The following NEK11 variants were observed in gnomAD, a reference collection of about 807,000 sequenced individuals.
The protein encoded by NEK11 is NIMA related kinase 11, also known as serine/threonine-protein kinase Nek11.
NEK11 carries 72 observed loss-of-function variants against 80.7 expected under a neutral mutation model. That is an observed-to-expected ratio of 0.89 (90% confidence interval 0.74 to 1.08). The LOEUF is 1.08. NEK11 is among the 50% of genes least tolerant of loss of function. NEK11 has a pLI of 0.00. For synonymous variants in NEK11, 251 were observed against 260.7 expected, an observed-to-expected ratio of 0.96 and a Z score of 0.36; for missense variants, 764 against 763.6, an observed-to-expected ratio of 1.00 and a Z score of -0.01.
chr3:131,215,774 G>A (rs570575422), intron 14 of NEK11, among the ~76,000 whole-genome samples: 1 of 152,178 alleles, frequency 6.6e-6, no homozygotes, highest in African/African-American at 2.4e-5. Context: ...GTGGGGATTG[G>A]TGATGGTAGA....
chr3:131,182,261 CT>C (rs1451517018), intron 14 of NEK11, among the ~76,000 whole-genome samples: 1 of 151,996 alleles, frequency 6.6e-6, no homozygotes, highest in African/African-American at 2.4e-5. Flanking sequence ...TCTCTTGCTT[CT>C]AAAAAACTCA....
chr3:131,248,710 A>G (rs2095647225), intron 16 of NEK11, among the ~76,000 whole-genome samples: 1 of 152,058 alleles, frequency 6.6e-6, no homozygotes, highest in Non-Finnish European at 1.5e-5. Flanking sequence ...TCCTCTCTTC[A>G]CTGGGATCTT....
chr3:131,285,629 G>A (rs551619995), intron 17 of NEK11, among the ~76,000 whole-genome samples: 2 of 152,256 alleles, frequency 1.3e-5, no homozygotes, highest in South Asian at 2.1e-4. Context: ...ACTTTCCCAC[G>A]TTTCTCAAGA....
At chr3:131,093,446 C>T (rs2077010517) in intron 4 of NEK11, among the ~76,000 whole-genome samples, 1 of 150,494 alleles carries the variant, frequency 6.6e-6, no homozygotes, top group Non-Finnish European at 1.5e-5. Context: ...TTTTTTGAGA[C>T]AGAGTCTCGC....
intron 9 of NEK11, among the ~76,000 whole-genome samples, chr3:131,153,027 C>A: frequency 6.6e-6 from 1 of 152,088 alleles, no homozygotes; most frequent in Admixed American, 6.6e-5. Flanking sequence ...GTGGAGGTTG[C>A]AGTGAGCCGA....
intron 17 of NEK11, among the ~76,000 whole-genome samples, chr3:131,295,065 A>T (rs1169892450): frequency 6.6e-6 from 1 of 152,102 alleles, no homozygotes; most frequent in Non-Finnish European, 1.5e-5. Flanking sequence ...GTACATTTAG[A>T]TCATTGATGT....
At chr3:131,335,095 G>A (rs913506789) in intron 17 of NEK11, among the ~76,000 whole-genome samples, 79 of 152,280 alleles carry the variant, frequency 5.2e-4, no homozygotes, top group African/African-American at 1.8e-3. Flanking sequence ...TAGAAAAAGA[G>A]GGAATCCTCC....
At chr3:131,094,902 T>A (rs1177468092) in intron 4 of NEK11, among the ~76,000 whole-genome samples, 1 of 152,218 alleles carries the variant, frequency 6.6e-6, no homozygotes, top group Non-Finnish European at 1.5e-5. Context: ...ATTGGGATTA[T>A]TTTCTCTCTC....
intron 14 of NEK11, among the ~76,000 whole-genome samples, chr3:131,208,251 G>C (rs1184114289): frequency 1.3e-5 from 2 of 152,094 alleles, no homozygotes; most frequent in Non-Finnish European, 2.9e-5. Flanking sequence ...GTTTTTGTCA[G>C]GTTTGTCAAA....
intron 17 of NEK11, among the ~76,000 whole-genome samples, chr3:131,343,049 A>T (rs2097309709): frequency 6.6e-6 from 1 of 152,212 alleles, no homozygotes; most frequent in South Asian, 2.1e-4. Context: ...ATTCAGAAAG[A>T]GTGTGCAGTA....
intron 16 of NEK11, among the ~76,000 whole-genome samples, chr3:131,266,244 C>T (rs576117207): frequency 1.2e-4 from 18 of 152,294 alleles, no homozygotes; most frequent in African/African-American, 4.3e-4. Context: ...TTCTTGCCTT[C>T]TGCTAGCTTT....
At chr3:131,124,183 T>C (rs2082884395) in intron 5 of NEK11, among the ~76,000 whole-genome samples, 1 of 152,092 alleles carries the variant, frequency 6.6e-6, no homozygotes, top group African/African-American at 2.4e-5. Flanking sequence ...AGTAGGGAAG[T>C]ATTTCCTACA....
intron 17 of NEK11, among the ~76,000 whole-genome samples, chr3:131,310,121 C>T (rs146670570): frequency 1.1e-3 from 162 of 150,928 alleles, no homozygotes; most frequent in Admixed American, 2.2e-3. Flanking sequence ...ACTGCCGATT[C>T]CCCAGCACAA....
rs544360838 is a variant in NEK11 at position 131,278,304 on chromosome 3, T to C, written c.1718+4730T>C. ...TATTAGGTGGTACTGCTCAAAGTCA[T>C]TGGAATGTTGGCAAAATGACAAGAA... On this transcript the variant is annotated intron_variant, in intron 17 of 17. Transcript: ENST00000383366. 2.0e-5 allele frequency among the ~76,000 whole-genome samples: 3 copies of C among 152,286 alleles called. No homozygotes were observed. The East Asian group carries it at 5.8e-4, about 29-fold the overall frequency.
chr3:131,253,740 C>A (rs2095753310), intron 16 of NEK11, among the ~76,000 whole-genome samples: 2 of 152,052 alleles, frequency 1.3e-5, no homozygotes, highest in Non-Finnish European at 2.9e-5. Flanking sequence ...TGGGGTATAA[C>A]CCCAGTGCAA....
rs140049481 is a variant in NEK11, at chr3:131,030,305, A to G, written c.170+427A>G. 2.0e-5 allele frequency among the ~76,000 whole-genome samples: 3 copies of G among 152,172 alleles called. No homozygotes were observed. In the East Asian group the frequency reaches 5.8e-4, roughly 29 times the overall value. On this transcript the variant is annotated intron_variant, in intron 3 of 17. Transcript: ENST00000383366. ...ACCAAAGCAAGTATTTCATAAATAT[A>G]GGTAAGCTCCCTAATTAATCTTTCA...
At chr3:131,173,579 T>A (rs1419755176) in intron 14 of NEK11, among the ~76,000 whole-genome samples, 1 of 150,792 alleles carries the variant, frequency 6.6e-6, no homozygotes, top group Non-Finnish European at 1.5e-5. Flanking sequence ...CCCTTTCCAT[T>A]TCCCCCAAAG....
chr3:131,223,453 C>G (rs1408514020), intron 14 of NEK11, among the ~76,000 whole-genome samples: 1 of 152,118 alleles, frequency 6.6e-6, no homozygotes, highest in African/African-American at 2.4e-5. Context: ...CTAAGGCTGT[C>G]TGTACACAAT....
intron 14 of NEK11, among the ~76,000 whole-genome samples, chr3:131,221,334 A>G (rs575792595): frequency 6.6e-6 from 1 of 152,300 alleles, no homozygotes; most frequent in East Asian, 1.9e-4. Flanking sequence ...GTGCATCAGG[A>G]TCACCTGGAG....
Sources: gnomAD v4.1 joint callset for allele counts (sites outside exome capture counted in the v4.1 genomes callset) on GRCh38, gnomAD v4.1.1 for gene constraint, MANE v1.5 for transcripts, NCBI Gene and HGNC (gene_info 2026-07-23, HGNC 2026-07-21) for gene names.